The following CACNA1A variants were observed in gnomAD, a reference collection of about 807,000 sequenced individuals.
CACNA1A encodes the protein voltage-dependent P/Q-type calcium channel subunit alpha-1A.
A neutral mutation model predicts 262.4 loss-of-function variants in CACNA1A; 57 were observed. The observed-to-expected ratio is 0.22, with a 90% CI of 0.18 to 0.27. The LOEUF is 0.27. CACNA1A is among the 10% of genes least tolerant of loss of function. CACNA1A has a pLI of 1.00. For synonymous variants in CACNA1A, 1,431 were observed against 1,419.3 expected, an observed-to-expected ratio of 1.01 and a Z score of -0.18; for missense variants, 2,526 against 3,562.8, an observed-to-expected ratio of 0.71 and a Z score of 7.41.
intron 30 of CACNA1A, among the ~76,000 whole-genome samples, chr19:13,247,957 G>A (rs2056293819): frequency 6.6e-6 from 1 of 152,106 alleles, no homozygotes; most frequent in South Asian, 2.1e-4. Context: ...CTCCCTGTGA[G>A]GTGGGATGAC....
At chr19:13,298,142 T>C (rs551077431) in intron 19 of CACNA1A, among the ~76,000 whole-genome samples, 1 of 121,542 alleles carries the variant, frequency 8.2e-6, no homozygotes, top group Non-Finnish European at 1.8e-5. Context: ...ACTTTTTTTT[T>C]TTTTTTGAGA....
intron 3 of CACNA1A, among the ~76,000 whole-genome samples, chr19:13,432,848 A>C (rs1281688484): frequency 6.6e-6 from 1 of 152,094 alleles, no homozygotes; most frequent in Non-Finnish European, 1.5e-5. Context: ...GAATATATAT[A>C]ATTAATTTTT....
intron 19 of CACNA1A, among the ~76,000 whole-genome samples, chr19:13,296,645 C>T (rs2057671819): frequency 6.6e-6 from 1 of 152,224 alleles, no homozygotes; most frequent in Non-Finnish European, 1.5e-5. Flanking sequence ...CCACCTTGGC[C>T]TCCCAAAGTG....
At chr19:13,259,086 A>G (rs74432719) in intron 27 of CACNA1A, 1 of 151,628 alleles carries the variant, frequency 6.6e-6, no homozygotes, top group East Asian at 1.9e-4. Context: ...GGTATGAGCC[A>G]CCACAAGTGG....
At chr19:13,224,297 C>T (rs148309846) in intron 38 of CACNA1A, among the ~76,000 whole-genome samples, 1 of 148,132 alleles carries the variant, frequency 6.8e-6, no homozygotes, top group Non-Finnish European at 1.5e-5. Flanking sequence ...GCACTTCAGC[C>T]TGGGTGACAG....
At position 13,257,548 on chromosome 19, in the gene CACNA1A, G is replaced by A. The variant is rs1458275517; in HGVS notation, c.4392C>T (p.Val1464=). Residue 1464 remains valine (V), a synonymous_variant, in exon 28 of 47, where the codon GTC becomes GTT. Transcript: ENST00000360228. ...TVSTGEGWPQ[V]LKHSVDATFE... ...AGGTGGCGTCCACCGAATGCTTGAG[G>A]ACCCTGCAAGGAATGGGGCAGGGAG... The A allele has an allele frequency of 6.4e-7, 1 of 1,572,076 alleles. No homozygotes were observed. Among genetic ancestry groups the A allele is most frequent in the Non-Finnish European group, 8.6e-7 (1 of 1,157,654 alleles).
intron 31 of CACNA1A, among the ~76,000 whole-genome samples, chr19:13,243,216 G>C (rs898901581): frequency 2.0e-5 from 3 of 152,232 alleles, no homozygotes; most frequent in African/African-American, 7.2e-5. Flanking sequence ...CCAGTGGAGA[G>C]AGCCCCCATG....
intron 19 of CACNA1A, among the ~76,000 whole-genome samples, chr19:13,292,977 ACTCCC>A (rs2057577151): frequency 6.6e-6 from 1 of 151,752 alleles, no homozygotes; most frequent in African/African-American, 2.4e-5. Flanking sequence ...AATTAGCAGT[ACTCCC>A]CTGGTTCAGA....
In CACNA1A at chr19:13,214,667, G is replaced by T; in HGVS notation, c.5732-59C>A. On this transcript the variant is annotated intron_variant, in intron 38 of 46. Transcript: ENST00000360228. This position sits in a 1 kb window ranked among gnomAD's most constrained non-coding sequence, Gnocchi z 4.1. ...TGCCTGGGTGTCAGCTGGACTCTGG[G>T]TCAGCTGCAAAGCCATAGGCTCCCG... 7.4e-7 allele frequency: 1 copy of T among 1,350,498 alleles called. No individual in the cohort carries two copies. Among genetic ancestry groups the T allele is most frequent in the Non-Finnish European group, 1.0e-6 (1 of 952,942 alleles). 83.7% of individuals were successfully genotyped at this position (1,350,498 alleles called of 1,614,324 possible).
chr19:13,474,642 C>G (rs1978323726), intron 1 of CACNA1A, among the ~76,000 whole-genome samples: 1 of 152,114 alleles, frequency 6.6e-6, no homozygotes, highest in Non-Finnish European at 1.5e-5. Flanking sequence ...TATGGTGAAA[C>G]CCCGTCTCTA....
At chr19:13,303,686 A>C in intron 16 of CACNA1A, 73 bp from the exon 17 acceptor site, 1 of 1,552,250 alleles carries the variant, frequency 6.4e-7, no homozygotes, top group South Asian at 1.1e-5. Flanking sequence ...TGGGTCTCTC[A>C]GTACCCTCCC....
intron 3 of CACNA1A, among the ~76,000 whole-genome samples, chr19:13,399,394 G>GAGA (rs74375569): frequency 0.017 from 2,392 of 143,530 alleles, 40 homozygotes; most frequent in East Asian, 0.022. Flanking sequence ...ATCCAAAAAT[G>GAGA]AGAAGAAGAA....
In CACNA1A at chr19:13,506,447, C is replaced by T. The variant is rs1285764249; in HGVS notation, c.-223G>A. 3 of 367,758 alleles carry T rather than the reference C, an allele frequency of 8.2e-6. No homozygotes were observed. The highest frequency in any genetic ancestry group is 9.5e-6 in the Non-Finnish European group (2 of 209,618). The allele number at this position is 367,758 out of a possible 1,614,324, so 22.8% of individuals were successfully genotyped here. ...GCTGCCCGGGCCGAGCCGGGGATAG[C>T]AGCTCGGGACATCTTCCTGGCTGAC... On this transcript the variant is annotated 5_prime_UTR_variant, in exon 1 of 47. Transcript: ENST00000360228.
chr19:13,325,716 C>T (rs1379791487), intron 10 of CACNA1A, among the ~76,000 whole-genome samples: 2 of 152,180 alleles, frequency 1.3e-5, no homozygotes, highest in Admixed American at 1.3e-4. Flanking sequence ...GTGTGAGCCA[C>T]CGTGCCCAGC....
intron 19 of CACNA1A, among the ~76,000 whole-genome samples, chr19:13,298,065 C>T (rs2057703014): frequency 6.6e-6 from 1 of 151,752 alleles, no homozygotes; most frequent in South Asian, 2.1e-4. Context: ...TCAAGTGATC[C>T]GCCCGCCTCG....
At chr19:13,217,634 G>A (rs2055064014) in intron 38 of CACNA1A, among the ~76,000 whole-genome samples, 1 of 152,130 alleles carries the variant, frequency 6.6e-6, no homozygotes, top group Non-Finnish European at 1.5e-5. Flanking sequence ...TTGTCTTCAG[G>A]GAACTGAGTG....
At position 13,255,087 on chromosome 19, in the gene CACNA1A, G is replaced by A. The variant is rs2056510246; in HGVS notation, c.4755+8C>T. On this transcript the variant is annotated splice_region_variant and intron_variant, in intron 29 of 46. Coordinates refer to ENST00000360228, the MANE Select transcript of CACNA1A (RefSeq NM_001127222.2). ...AAGTAGTGCTGGGGGCTGGTGTGGG[G>A]CACTTACCTTCATCATAAGCACGAT... The A allele has an allele frequency of 1.2e-6, 2 of 1,613,600 alleles. No homozygotes were observed. The highest frequency in any genetic ancestry group is 1.1e-5 in the South Asian group (1 of 91,076).
At chr19:13,401,247 C>T (rs897439649) in intron 3 of CACNA1A, among the ~76,000 whole-genome samples, 3 of 152,194 alleles carry the variant, frequency 2.0e-5, no homozygotes, top group Non-Finnish European at 4.4e-5. Flanking sequence ...AAGCGTGGGG[C>T]TCTGCAGCCA....
rs1021772923 is a variant in CACNA1A, at chr19:13,367,070, G to A, written c.632-1601C>T. On this transcript the variant is annotated intron_variant, in intron 4 of 46. Transcript: ENST00000360228. ...AGCACTTTGGGAAGCCGAGGCCAGCGGATTAACGAGGTCAGGAGTTCAAGA... is the reference window on the plus strand; with the variant it reads ...AGCACTTTGGGAAGCCGAGGCCAGCAGATTAACGAGGTCAGGAGTTCAAGA... 2.0e-5 allele frequency among the ~76,000 whole-genome samples: 3 copies of A among 151,624 alleles called. No homozygotes were observed. In the East Asian group the frequency reaches 5.8e-4, roughly 30 times the overall value.
Sources: allele counts gnomAD v4.1 joint callset (sites outside exome capture counted in the v4.1 genomes callset), GRCh38; gene constraint gnomAD v4.1.1; non-coding constraint Gnocchi (gnomAD v3.1); transcripts MANE v1.5; gene names NCBI Gene and HGNC (gene_info 2026-07-23, HGNC 2026-07-21).